DPP10: variants seen among roughly 807,000 people sequenced by gnomAD.
DPP10 encodes inactive dipeptidyl peptidase 10.
Under a neutral mutation model 120.9 loss-of-function variants are expected in DPP10, and 33 were observed. The ratio of observed to expected loss-of-function variants is 0.27; its 90% CI spans 0.21 to 0.37. The LOEUF is 0.37. Among genes scored for constraint, DPP10 ranks in the 10% least tolerant of loss-of-function variants. The pLI, the probability that DPP10 is intolerant of heterozygous loss-of-function variation, is 1.00. For missense variants in DPP10, 816 were observed against 942.8 expected (o/e 0.87, Z 1.76); for synonymous variants, 337 against 326.1 (o/e 1.03, Z -0.36).
At chr2:114,525,600 G>T (rs865820724) in intron 1 of DPP10, among the ~76,000 whole-genome samples, 14 of 152,312 alleles carry the variant, frequency 9.2e-5, no homozygotes, top group Middle Eastern at 6.8e-3. Context: ...GAGATCGAGT[G>T]AAAGAGGCCT....
intron 25 of DPP10, among the ~76,000 whole-genome samples, chr2:115,841,071 T>C (rs1416932368): frequency 7.9e-5 from 12 of 152,210 alleles, no homozygotes; most frequent in African/African-American, 2.4e-4. Context: ...ATCCCAAATA[T>C]TGAATTCTTT....
At chr2:115,671,735 G>A (rs1315815358) in intron 5 of DPP10, among the ~76,000 whole-genome samples, 3 of 151,842 alleles carry the variant, frequency 2.0e-5, no homozygotes, top group African/African-American at 4.8e-5. Flanking sequence ...CTTCTAAACC[G>A]ATGCCTACAA....
At chr2:114,461,876 G>T (rs1678943707) in intron 1 of DPP10, 1 of 985,344 alleles carries the variant, frequency 1.0e-6, no homozygotes, top group Non-Finnish European at 1.2e-6. Flanking sequence ...AAATGAAAAA[G>T]AGACAGGTGG....
chr2:115,527,240 T>C (rs1022145536), intron 5 of DPP10, among the ~76,000 whole-genome samples: 1 of 152,072 alleles, frequency 6.6e-6, no homozygotes, highest in Non-Finnish European at 1.5e-5. Flanking sequence ...CCTAATAGAT[T>C]GTTGGCAAAG....
intron 4 of DPP10, among the ~76,000 whole-genome samples, chr2:115,511,720 T>C (rs1249307723): frequency 7.8e-6 from 1 of 128,432 alleles, no homozygotes; most frequent in Non-Finnish European, 1.6e-5. Flanking sequence ...CTTCTTCTTC[T>C]TCTTCTTCTT....
intron 5 of DPP10, among the ~76,000 whole-genome samples, chr2:115,626,388 A>G (rs1575376254): frequency 6.6e-6 from 1 of 152,202 alleles, no homozygotes; most frequent in East Asian, 1.9e-4. Context: ...TCATCAACAA[A>G]TTAAGATTAT....
chr2:115,797,723 G>T (rs1684700315), intron 19 of DPP10, among the ~76,000 whole-genome samples: 1 of 151,702 alleles, frequency 6.6e-6, no homozygotes, highest in Non-Finnish European at 1.5e-5. Flanking sequence ...TTTTTTTCTT[G>T]AACATATTTA....
chr2:114,510,650 G>T (rs1277805036), intron 1 of DPP10, among the ~76,000 whole-genome samples: 3 of 152,056 alleles, frequency 2.0e-5, no homozygotes, highest in African/African-American at 7.2e-5. Flanking sequence ...TCCTAAATGG[G>T]TTAATGCAAG....
chr2:115,596,308 A>T (rs2082983549), intron 5 of DPP10, among the ~76,000 whole-genome samples: 1 of 152,022 alleles, frequency 6.6e-6, no homozygotes, highest in Non-Finnish European at 1.5e-5. Flanking sequence ...ACTTTCAAAA[A>T]CTCTTAATTT....
In DPP10 at chr2:115,525,887, T is replaced by C. The variant is rs1274281206; in HGVS notation, c.367-11T>C. 1.9e-6 allele frequency: 3 copies of C among 1,582,970 alleles called. No individual in the cohort carries two copies. Among genetic ancestry groups the C allele is most frequent in the Admixed American group, 3.8e-5 (2 of 52,998 alleles). On this transcript the variant is annotated splice_polypyrimidine_tract_variant and intron_variant, in intron 4 of 25. Transcript: ENST00000410059. The stretch of plus-strand genomic sequence containing the variant: ...TTTTTAAATATAACTGGTTTTTTTT[T>C]CTTTTTCTAGGTAACCTTCAAAGCA...
At chr2:114,849,075 G>A (rs571164092) in intron 1 of DPP10, among the ~76,000 whole-genome samples, 1 of 152,286 alleles carries the variant, frequency 6.6e-6, no homozygotes, top group South Asian at 2.1e-4. Flanking sequence ...AATAGTGGCT[G>A]CATGATATTG....
At chr2:115,745,493 GC>G (rs1474550288) in intron 9 of DPP10, among the ~76,000 whole-genome samples, 2 of 150,396 alleles carry the variant, frequency 1.3e-5, no homozygotes, top group Admixed American at 7.1e-5. Flanking sequence ...TCTGCCCATG[GC>G]CCACCTCCCA....
chr2:115,545,782 G>T lies in DPP10; in HGVS notation c.441+19810G>T, dbSNP rs527706598. Among the ~76,000 whole-genome samples the T allele has an allele frequency of 2.3e-4, 35 of 152,178 alleles. No individual in the cohort carries two copies. The South Asian group carries it at 7.0e-3, about 31-fold the overall frequency. On this transcript the variant is annotated intron_variant, in intron 5 of 25. Coordinates refer to ENST00000410059, the MANE Select transcript of DPP10 (RefSeq NM_020868.6). ...TATATGGGATTTTTACATCAGGAAA[G>T]AGCTGCCTATTTGTTGGTTGAGAAT...
chr2:115,294,827 A>T lies in DPP10; in HGVS notation c.61-14412A>T, dbSNP rs1177065529. Among the ~76,000 whole-genome samples, 3 of 151,986 alleles carry T rather than the reference A, an allele frequency of 2.0e-5. No individual in the cohort carries two copies. The East Asian group carries it at 5.8e-4, about 29-fold the overall frequency. ...TTCTCATGCAGCCAAAGTGGCAATG[A>T]TTTTACAGGAGGGAGAGGCATGAGG... On this transcript the variant is annotated intron_variant, in intron 1 of 25. Transcript: ENST00000410059.
chr2:115,269,104 G>A (rs899204569), intron 1 of DPP10, among the ~76,000 whole-genome samples: 1 of 152,168 alleles, frequency 6.6e-6, no homozygotes, highest in African/African-American at 2.4e-5. Flanking sequence ...CGGAGACCAC[G>A]CCATTGCACT....
At chr2:115,365,874 C>T (rs552259847) in intron 3 of DPP10, among the ~76,000 whole-genome samples, 2 of 152,128 alleles carry the variant, frequency 1.3e-5, no homozygotes, top group Admixed American at 6.6e-5. Context: ...TATGGTTTGT[C>T]TCAAGGTCAA....
chr2:114,706,090 G>A (rs1156968260), intron 1 of DPP10, among the ~76,000 whole-genome samples: 1 of 152,184 alleles, frequency 6.6e-6, no homozygotes, highest in Non-Finnish European at 1.5e-5. Context: ...AAAGAACCTA[G>A]CATATTTGAG....
At chr2:115,334,697 A>G (rs1469696917) in intron 2 of DPP10, among the ~76,000 whole-genome samples, 1 of 152,030 alleles carries the variant, frequency 6.6e-6, no homozygotes, top group African/African-American at 2.4e-5. Context: ...GAGATATTTC[A>G]AGAGAATGAA....
intron 1 of DPP10, among the ~76,000 whole-genome samples, chr2:114,880,732 G>C (rs754931872): frequency 6.6e-6 from 1 of 152,100 alleles, no homozygotes; most frequent in Non-Finnish European, 1.5e-5. Context: ...TTTTCAAACG[G>C]ATTCAAAAAA....
Sources: allele counts gnomAD v4.1 joint callset (sites outside exome capture counted in the v4.1 genomes callset), GRCh38; gene constraint gnomAD v4.1.1; transcripts MANE v1.5; gene names NCBI Gene and HGNC (gene_info 2026-07-23, HGNC 2026-07-21).